NLGN1: variants seen among roughly 807,000 people sequenced by gnomAD.
NLGN1 encodes neuroligin-1.
Under a neutral mutation model 65.5 loss-of-function variants are expected in NLGN1, and 12 were observed. The ratio of observed to expected loss-of-function variants is 0.18; its 90% CI spans 0.12 to 0.30. The LOEUF (loss-of-function observed/expected upper bound fraction) is 0.30. Among genes scored for constraint, NLGN1 ranks in the 10% least tolerant of loss-of-function variants. The pLI, the probability that NLGN1 is intolerant of heterozygous loss-of-function variation, is 1.00. For missense variants in NLGN1, 750 were observed against 1,007.1 expected (o/e 0.74, Z 3.46); for synonymous variants, 350 against 359.5 (o/e 0.97, Z 0.30).
chr3:173,502,003 C>T (rs1026898536), intron 2 of NLGN1, among the ~76,000 whole-genome samples: 2 of 152,080 alleles, frequency 1.3e-5, no homozygotes, highest in Admixed American at 6.6e-5. Context: ...TACATGGTAT[C>T]TGCTCACTCA....
At chr3:174,211,081 T>C (rs1382358945) in intron 4 of NLGN1, among the ~76,000 whole-genome samples, 1 of 152,180 alleles carries the variant, frequency 6.6e-6, no homozygotes, top group Non-Finnish European at 1.5e-5. Context: ...GTTCGTGGTC[T>C]CGCTCGCTCA....
In NLGN1 at chr3:174,028,539, A is replaced by G. The variant is rs1729298563; in HGVS notation, c.646+220707A>G. Reference sequence around the variant, plus strand: ...GGACATCTAGCAGAAGAAATTTCTAAGCAACAAAGTGTTCAAGAAGTGACT... The same window carrying G: ...GGACATCTAGCAGAAGAAATTTCTAGGCAACAAAGTGTTCAAGAAGTGACT... On this transcript the variant is annotated intron_variant, in intron 4 of 6. Transcript: ENST00000457714. 3.9e-5 allele frequency among the ~76,000 whole-genome samples: 6 copies of G among 152,330 alleles called. No homozygotes were observed. In the South Asian group the frequency reaches 1.2e-3, roughly 32 times the overall value.
chr3:174,205,926 C>T (rs910673845), intron 4 of NLGN1, among the ~76,000 whole-genome samples: 1 of 152,226 alleles, frequency 6.6e-6, no homozygotes, highest in Admixed American at 6.5e-5. Context: ...CAATTCAGTG[C>T]CCAGCAACCA....
chr3:173,991,299 A>G (rs1721051232), intron 4 of NLGN1, among the ~76,000 whole-genome samples: 1 of 152,184 alleles, frequency 6.6e-6, no homozygotes, highest in Non-Finnish European at 1.5e-5. Context: ...CTTTACAATC[A>G]ATAAAAACAT....
chr3:174,170,526 G>C (rs1728323336), intron 4 of NLGN1, among the ~76,000 whole-genome samples: 3 of 152,130 alleles, frequency 2.0e-5, no homozygotes, highest in Non-Finnish European at 4.4e-5. Flanking sequence ...TTCGTAAATT[G>C]TTTTAGTCTT....
intron 3 of NLGN1, among the ~76,000 whole-genome samples, chr3:173,662,078 A>G (rs547390741): frequency 2.0e-5 from 3 of 152,128 alleles, no homozygotes; most frequent in African/African-American, 7.2e-5. Flanking sequence ...TGTATGGCTT[A>G]TAATTCTCTT....
chr3:174,118,478 T>C (rs890626577), intron 4 of NLGN1, among the ~76,000 whole-genome samples: 1 of 152,176 alleles, frequency 6.6e-6, no homozygotes, highest in Non-Finnish European at 1.5e-5. Context: ...GAGTACCTAA[T>C]GTAGTGATAA....
intron 4 of NLGN1, among the ~76,000 whole-genome samples, chr3:173,861,253 G>T (rs1443892307): frequency 6.6e-6 from 1 of 151,692 alleles, no homozygotes; most frequent in Non-Finnish European, 1.5e-5. Flanking sequence ...AAAATATTTA[G>T]TTTTCTCTTA....
chr3:173,707,918 T>A (rs944603673), intron 3 of NLGN1, among the ~76,000 whole-genome samples: 1 of 152,224 alleles, frequency 6.6e-6, no homozygotes, highest in African/African-American at 2.4e-5. Context: ...AAAACAGCCC[T>A]TGCAATTAAA....
intron 3 of NLGN1, among the ~76,000 whole-genome samples, chr3:173,638,683 T>A (rs927084408): frequency 4.6e-5 from 7 of 152,130 alleles, no homozygotes; most frequent in African/African-American, 1.7e-4. Context: ...AATGGATTAT[T>A]TTAATCAGAG....
chr3:174,220,468 G>A (rs1738429612), intron 4 of NLGN1, among the ~76,000 whole-genome samples: 2 of 152,070 alleles, frequency 1.3e-5, no homozygotes, highest in Non-Finnish European at 2.9e-5. Context: ...ATCCTTATGT[G>A]CAACATTTCC....
chr3:174,281,331 T>C (rs1268325286), exon 7 of NLGN1: 2 of 1,445,814 alleles, frequency 1.4e-6, no homozygotes, highest in Non-Finnish European at 1.9e-6. Context: ...ACTATTTTTT[T>C]TGATGGATTG....
chr3:174,209,254 A>G (rs1735998291), intron 4 of NLGN1, among the ~76,000 whole-genome samples: 1 of 152,080 alleles, frequency 6.6e-6, no homozygotes, highest in Non-Finnish European at 1.5e-5. Context: ...AGGCATTGCT[A>G]CTTTTGTTTT....
chr3:174,189,118 GGTGGGTGTTTGAA>G (rs1360221613), intron 4 of NLGN1, among the ~76,000 whole-genome samples: 1 of 151,872 alleles, frequency 6.6e-6, no homozygotes, highest in Non-Finnish European at 1.5e-5. Flanking sequence ...ATTTTTAAAG[GGTGGGTGTTTGAA>G]CCTTTGGACC....
At chr3:174,201,303 AGGGAGGAAGGGAGGGAGGC>A (rs1264179242) in intron 4 of NLGN1, among the ~76,000 whole-genome samples, 2 of 114,008 alleles carry the variant, frequency 1.8e-5, no homozygotes, top group African/African-American at 6.7e-5. Context: ...AGGGGGAGGG[AGGGAGGAAGGGAGGGAGGC>A]GGGAGGAGGG....
chr3:173,429,300 C>T (rs1400949239), intron 1 of NLGN1, among the ~76,000 whole-genome samples: 1 of 151,982 alleles, frequency 6.6e-6, no homozygotes, highest in Non-Finnish European at 1.5e-5. Context: ...ATTTTTCTAT[C>T]TAGCCGTTGT....
intron 4 of NLGN1, among the ~76,000 whole-genome samples, chr3:174,036,486 G>C (rs1180365519): frequency 6.6e-6 from 1 of 151,752 alleles, no homozygotes; most frequent in African/African-American, 2.4e-5. Context: ...TAAGTTACAA[G>C]CTTGGAGGCC....
At chr3:173,416,783 A>T (rs558365461) in intron 1 of NLGN1, among the ~76,000 whole-genome samples, 1 of 152,170 alleles carries the variant, frequency 6.6e-6, no homozygotes, top group Non-Finnish European at 1.5e-5. Context: ...GGATACTGAT[A>T]TGGCCCAAGC....
At chr3:174,037,795 TAG>T (rs1013777917) in intron 4 of NLGN1, among the ~76,000 whole-genome samples, 21 of 152,254 alleles carry the variant, frequency 1.4e-4, no homozygotes, top group African/African-American at 4.8e-4. Context: ...TAAAGAGCCT[TAG>T]ATGAAGGTTA....
Sources: allele counts gnomAD v4.1 joint callset (sites outside exome capture counted in the v4.1 genomes callset), GRCh38; gene constraint gnomAD v4.1.1; transcripts MANE v1.5; gene names NCBI Gene and HGNC (gene_info 2026-07-23, HGNC 2026-07-21).